The following PRKACA variants were observed in gnomAD, a reference collection of about 807,000 sequenced individuals.
The protein encoded by PRKACA is cAMP-dependent protein kinase catalytic subunit alpha.
Under a neutral mutation model 45.8 loss-of-function variants are expected in PRKACA, and 9 were observed. That is an observed-to-expected ratio of 0.20 (90% CI 0.12 to 0.34). The LOEUF (loss-of-function observed/expected upper bound fraction) is 0.34, where lower values mean the gene tolerates loss of function less well. PRKACA is among the 10% of genes least tolerant of loss of function. PRKACA has a pLI of 1.00. For missense variants in PRKACA, 238 were observed against 458.6 expected (o/e 0.52, Z 4.39); for synonymous variants, 160 against 178.6 (o/e 0.90, Z 0.83).
At chr19:14,110,270 G>A (rs1005224496) in intron 1 of PRKACA, among the ~76,000 whole-genome samples, 5 of 151,780 alleles carry the variant, frequency 3.3e-5, no homozygotes, top group African/African-American at 7.3e-5. Flanking sequence ...AGTGAGCTAT[G>A]ATCACACCAC....
Position 14,107,547 on chromosome 19 carries a change from G to A in PRKACA, c.47-138C>T, listed in dbSNP as rs41296258. On this transcript the variant is annotated intron_variant, in intron 1 of 9. Coordinates refer to ENST00000308677, the MANE Select transcript of PRKACA (RefSeq NM_002730.4). ...CCTGACCTTTTTCTGGTGCCTCTGGGGCCTTGGCTGGGCCGTGGCCTGGGC... is the reference window on the plus strand; with the variant it reads ...CCTGACCTTTTTCTGGTGCCTCTGGAGCCTTGGCTGGGCCGTGGCCTGGGC... The A allele has an allele frequency of 8.1e-3, 10,584 of 1,308,770 alleles. 376 individuals are homozygous for A. In the African/African-American group the frequency reaches 0.094, roughly 12 times the overall value. The allele number at this position is 1,308,770 out of a possible 1,614,324, so 81.1% of individuals were successfully genotyped here.
At chr19:14,096,677 G>A (rs769887874) in intron 8 of PRKACA, 21 of 157,240 alleles carry the variant, frequency 1.3e-4, no homozygotes, top group Non-Finnish European at 2.0e-4. Flanking sequence ...ACCTCTCTCC[G>A]GCCATCAGTG....
rs746166755 is a variant in PRKACA, at chr19:14,097,914, G to C, written c.420-24C>G. On this transcript the variant is annotated intron_variant, in intron 5 of 9. Coordinates refer to ENST00000308677, the MANE Select transcript of PRKACA (RefSeq NM_002730.4). The surrounding 1 kb of genome is among the most constrained non-coding windows in gnomAD (Gnocchi z 5.4). ...CACTGATGGGGACAAATGGGGAGGT[G>C]AACGTCAGTGGTCATGCCCCAAAAT... 8 of 1,613,450 alleles carry C rather than the reference G, an allele frequency of 5.0e-6. No homozygotes were observed. The Admixed American group carries it at 1.3e-4, about 27-fold the overall frequency.
rs371039524 is a variant in PRKACA, at chr19:14,102,930, G to A, written c.238-16C>T. 4.4e-6 allele frequency: 7 copies of A among 1,599,624 alleles called. No individual in the cohort carries two copies. The highest frequency in any genetic ancestry group is 6.0e-6 in the Non-Finnish European group (7 of 1,166,852). ...GTTTCACCACCTGGGAAGGGAAGGA[G>A]GGGAGGGCAGAAAGGAGGGGGAGGT... is the stretch of plus-strand genomic sequence containing the variant. On this transcript the variant is annotated splice_polypyrimidine_tract_variant and intron_variant, in intron 3 of 9. Transcript: ENST00000308677.
Position 14,117,541 on chromosome 19 carries a change from T to G in PRKACA, c.7A>C (p.Asn3His). The G allele has an allele frequency of 8.2e-7, 1 of 1,213,968 alleles. No individual in the cohort carries two copies. The highest frequency in any genetic ancestry group is 1.6e-5 in the African/African-American group (1 of 63,472). The allele number at this position is 1,213,968 out of a possible 1,614,324, so 75.2% of individuals were successfully genotyped here. A position where few individuals can be genotyped will look rare whatever the true frequency, so the allele number is the denominator to read the frequency against. The change falls in exon 1 of 10, where the codon AAC becomes CAC. Residue 3 changes from asparagine (N) to histidine (H), a missense_variant. Physicochemically the swap from Asn to His is moderately conservative, Grantham distance 68. This residue lies in a region of PRKACA where 93 missense variants were observed against 149.1 expected (regional missense o/e 0.62). Coordinates refer to ENST00000308677, the MANE Select transcript of PRKACA (RefSeq NM_002730.4). MG[N>H]AAAAKKGSEQ... is the part of the protein sequence containing the mutation. ...CTGCCCTTCTTGGCGGCGGCGGCGT[T>G]GCCCATCGCGGCGGCGGCGGCCGGG...
Position 14,097,684 on chromosome 19 carries a change from C to A in PRKACA, c.547-10G>T, listed in dbSNP as rs1363005104. Reference sequence around the variant, plus strand: ...AACCGAAGTCTGTCACCTGTGGGCACAAGAACAGGCAGTTGGCAGGGAGGA... The same window carrying A: ...AACCGAAGTCTGTCACCTGTGGGCAAAAGAACAGGCAGTTGGCAGGGAGGA... On this transcript the variant is annotated splice_polypyrimidine_tract_variant and intron_variant, in intron 6 of 9. Coordinates refer to ENST00000308677, the MANE Select transcript of PRKACA (RefSeq NM_002730.4). The surrounding 1 kb of genome is among the most constrained non-coding windows in gnomAD (Gnocchi z 5.4). 6.2e-6 allele frequency: 10 copies of A among 1,610,616 alleles called. No homozygotes were observed. The highest frequency in any genetic ancestry group is 1.7e-5 in the Admixed American group (1 of 59,850).
chr19:14,116,966 G>C (rs367683348), intron 1 of PRKACA, among the ~76,000 whole-genome samples: 1 of 151,448 alleles, frequency 6.6e-6, no homozygotes, highest in South Asian at 2.1e-4. Flanking sequence ...GTTTGGAAGG[G>C]GGGGCTGTGC....
At chr19:14,105,011 A>G (rs940709849) in intron 3 of PRKACA, among the ~76,000 whole-genome samples, 1 of 152,200 alleles carries the variant, frequency 6.6e-6, no homozygotes, top group African/African-American at 2.4e-5. Flanking sequence ...TTTCCAGGAA[A>G]AATTTACCAT....
rs149272491 is a variant in PRKACA at position 14,093,634 on chromosome 19, C to T, written c.924G>A (p.Gln308=). The change falls in exon 9 of 10, where the codon CAG becomes CAA. Residue 308 remains glutamine, a synonymous_variant. Transcript: ENST00000308677. ...FATTDWIAIY[Q]RKVEAPFIPK... ...TTAAGGAGGGGAGGCCCACCTTCCTCTGGTAGATGGCAATCCAGTCAGTTG... is the reference window on the plus strand; with the variant it reads ...TTAAGGAGGGGAGGCCCACCTTCCTTTGGTAGATGGCAATCCAGTCAGTTG... 6 of 1,613,232 alleles carry T rather than the reference C, an allele frequency of 3.7e-6. No homozygotes were observed. Among genetic ancestry groups the T allele is most frequent in the Non-Finnish European group, 5.1e-6 (6 of 1,179,466 alleles).
At chr19:14,106,670 G>A in intron 3 of PRKACA, 90 bp downstream of exon 3, 2 of 1,543,178 alleles carry the variant, frequency 1.3e-6, no homozygotes, top group Non-Finnish European at 1.8e-6. Context: ...AAGCAAGTGA[G>A]TGAACGGGTG....
At chr19:14,100,321 G>A (rs1473754579) in intron 5 of PRKACA, among the ~76,000 whole-genome samples, 13 of 151,118 alleles carry the variant, frequency 8.6e-5, no homozygotes, top group Admixed American at 7.3e-4. Flanking sequence ...TTTTTGAGAC[G>A]GCATGTCACT....
intron 3 of PRKACA, among the ~76,000 whole-genome samples, chr19:14,105,180 T>C (rs1450457080): frequency 1.3e-5 from 2 of 152,054 alleles, no homozygotes; most frequent in Non-Finnish European, 2.9e-5. Flanking sequence ...TGATAATATA[T>C]GGAAAGGGTA....
rs771089857 is a variant in PRKACA, at chr19:14,097,779, C to A, written c.531G>T (p.Gln177His). Residue 177 changes from glutamine (Q) to histidine (H), a missense_variant, in exon 6 of 10, where the codon CAG becomes CAT. This residue lies in a region of PRKACA where 94 missense variants were observed against 240.9 expected (regional missense o/e 0.39). Transcript: ENST00000308677. This position sits in a 1 kb window ranked among gnomAD's most constrained non-coding sequence, Gnocchi z 5.4. ...TGGTGGGCACCTGAATGTAGCCCTG[C>A]TGGTCAATGAGCAGATTCTCCGGCT... ...DLKPENLLID[Q>H]QGYIQVTDFG... The A allele has an allele frequency of 4.5e-5, 72 of 1,614,070 alleles. No homozygotes were observed. The highest frequency in any genetic ancestry group is 5.6e-5 in the Non-Finnish European group (66 of 1,180,028).
chr19:14,092,846 G>GA lies in PRKACA; in HGVS notation c.*265dup, dbSNP rs1209822292. 1 of 503,920 alleles carries GA rather than the reference G, an allele frequency of 2.0e-6. No homozygotes were observed. Among genetic ancestry groups the GA allele is most frequent in the East Asian group, 2.9e-5 (1 of 34,348 alleles). 31.2% of individuals were successfully genotyped at this position (503,920 alleles called of 1,614,324 possible). ...CAGGCAGAAGTGGGCTGGGAGGGCTGAGGGGCTGGGGGGCTGTGGGGAAAG... is the reference window on the plus strand; with the variant it reads ...CAGGCAGAAGTGGGCTGGGAGGGCTGAAGGGGCTGGGGGGCTGTGGGGAAAG... On this transcript the variant is annotated 3_prime_UTR_variant, in exon 10 of 10. Coordinates refer to ENST00000308677, the MANE Select transcript of PRKACA (RefSeq NM_002730.4).
rs1599351965 is a variant in PRKACA, at chr19:14,114,261, G to A, written c.46+3241C>T. ...GTCCCCAGAACCCTGCCTGCAGGGG[G>A]AGCTAGGGAGCCGTGGGGTGGGAGC... On this transcript the variant is annotated intron_variant, in intron 1 of 9. Coordinates refer to ENST00000308677, the MANE Select transcript of PRKACA (RefSeq NM_002730.4). 5.4e-6 allele frequency: 8 copies of A among 1,474,326 alleles called. No individual in the cohort carries two copies. The East Asian group carries it at 7.4e-5, about 14-fold the overall frequency. 91.3% of individuals were successfully genotyped at this position (1,474,326 alleles called of 1,614,324 possible).
chr19:14,117,572 TC>T lies in PRKACA; in HGVS notation c.-26del. ...TCGCGGCGGCGGCGGCCGGGGCCGG[TC>T]CCGGAGCTGCGGCGCGGCGGGTGCT... On this transcript the variant is annotated 5_prime_UTR_variant, in exon 1 of 10. Coordinates refer to ENST00000308677, the MANE Select transcript of PRKACA (RefSeq NM_002730.4). 2 of 1,120,486 alleles carry T rather than the reference TC, an allele frequency of 1.8e-6. No homozygotes were observed. The highest frequency in any genetic ancestry group is 4.3e-5 in the South Asian group (1 of 23,282). 69.4% of individuals were successfully genotyped at this position (1,120,486 alleles called of 1,614,324 possible).
At chr19:14,104,817 G>C (rs1186808573) in intron 3 of PRKACA, among the ~76,000 whole-genome samples, 1 of 152,102 alleles carries the variant, frequency 6.6e-6, no homozygotes, top group African/African-American at 2.4e-5. Flanking sequence ...AGGTTGTAGT[G>C]AGCTGAGATC....
chr19:14,100,196 C>G (rs1484250225), intron 5 of PRKACA, among the ~76,000 whole-genome samples: 1 of 151,922 alleles, frequency 6.6e-6, no homozygotes, highest in African/African-American at 2.4e-5. Context: ...AGGCTGGTCT[C>G]AAATTCTTGA....
rs1387725376 is a variant in PRKACA, at chr19:14,093,250, C to A, written c.931-13G>T. On this transcript the variant is annotated splice_polypyrimidine_tract_variant and intron_variant, in intron 9 of 9. Coordinates refer to ENST00000308677, the MANE Select transcript of PRKACA (RefSeq NM_002730.4). The stretch of plus-strand genomic sequence containing the variant: ...AGGGAGCTTCCACCTGGAGAGGGAT[C>A]AAGAATCACCCAGACCTCAGCATTC... 22 of 1,610,098 alleles carry A rather than the reference C, an allele frequency of 1.4e-5. No individual in the cohort carries two copies. The highest frequency in any genetic ancestry group is 3.4e-5 in the Admixed American group (2 of 58,770).
Sources: gnomAD v4.1 joint callset for allele counts (sites outside exome capture counted in the v4.1 genomes callset) on GRCh38, gnomAD v4.1.1 for gene constraint, gnomAD v4.1.1 regional missense constraint, Gnocchi (gnomAD v3.1) non-coding constraint, MANE v1.5 for transcripts, NCBI Gene and HGNC (gene_info 2026-07-23, HGNC 2026-07-21) for gene names.